Variants in DOCK9 observed in about 807,000 individuals in gnomAD.
The protein encoded by DOCK9 is dedicator of cytokinesis 9.
DOCK9 carries 89 observed loss-of-function variants against 263.3 expected under a neutral mutation model. The observed-to-expected ratio is 0.34, with a 90% CI of 0.28 to 0.40. The LOEUF (loss-of-function observed/expected upper bound fraction) is 0.40. Ranked by LOEUF, DOCK9 falls within the 10% of genes least tolerant of loss-of-function variation. The pLI is 1.00. For missense variants in DOCK9, 2,140 were observed against 2,603.4 expected (o/e 0.82, Z 3.87); for synonymous variants, 976 against 973.1 (o/e 1.00, Z -0.06).
chr13:98,972,784 C>A lies in DOCK9; in HGVS notation c.126+5000G>T, dbSNP rs61968870. Reference sequence around the variant, plus strand: ...GCCTAAGTGTCTAGAAAGGACAGGGCGGCATTAACACTCACTGTGCCTGAT... The same window carrying A: ...GCCTAAGTGTCTAGAAAGGACAGGGAGGCATTAACACTCACTGTGCCTGAT... On this transcript the variant is annotated intron_variant, in intron 1 of 52. Transcript: ENST00000682017. Among the ~76,000 whole-genome samples, 1,099 of 152,294 alleles carry A rather than the reference C, an allele frequency of 7.2e-3. 8 individuals are homozygous for A. Among genetic ancestry groups the A allele is most frequent in the Non-Finnish European group, 0.012 (791 of 68,038 alleles).
intron 37 of DOCK9, among the ~76,000 whole-genome samples, chr13:98,847,941 C>T (rs1027168951): frequency 7.9e-5 from 12 of 152,194 alleles, no homozygotes; most frequent in African/African-American, 2.9e-4. Context: ...CCAAAGAAGG[C>T]GTGTCCAGCC....
intron 45 of DOCK9, among the ~76,000 whole-genome samples, chr13:98,822,484 A>G (rs2092329768): frequency 6.6e-6 from 1 of 152,188 alleles, no homozygotes; most frequent in Non-Finnish European, 1.5e-5. Flanking sequence ...TCCAAACAAA[A>G]TGGTACACTC....
At chr13:98,999,225 A>T (rs1864856397) in intron 1 of DOCK9, among the ~76,000 whole-genome samples, 1 of 151,502 alleles carries the variant, frequency 6.6e-6, no homozygotes, top group Admixed American at 6.6e-5. Flanking sequence ...TCAGAGGGTG[A>T]GTGTGTGACC....
chr13:98,818,720 T>C (rs2092069807), intron 45 of DOCK9, among the ~76,000 whole-genome samples: 1 of 152,114 alleles, frequency 6.6e-6, no homozygotes, highest in African/African-American at 2.4e-5. Flanking sequence ...AGCAAGTTCA[T>C]AAGCCATCAA....
intron 27 of DOCK9, among the ~76,000 whole-genome samples, chr13:98,873,921 G>C (rs2094256609): frequency 6.6e-6 from 1 of 152,088 alleles, no homozygotes; most frequent in Admixed American, 6.5e-5. Context: ...TCTCTCAAAA[G>C]CTCCTTCTTC....
At chr13:98,965,031 T>A (rs2059057610) in intron 1 of DOCK9, among the ~76,000 whole-genome samples, 1 of 152,206 alleles carries the variant, frequency 6.6e-6, no homozygotes, top group African/African-American at 2.4e-5. Context: ...AGTGTTCATT[T>A]GAGGGGGTAC....
At chr13:98,963,201 A>G (rs2058849260) in intron 1 of DOCK9, among the ~76,000 whole-genome samples, 1 of 152,166 alleles carries the variant, frequency 6.6e-6, no homozygotes. Flanking sequence ...CAGGACCCCA[A>G]AAGGCCCCAC....
In DOCK9 at chr13:98,867,916, C is replaced by T. The variant is rs1392852258; in HGVS notation, c.3174+12G>A. On this transcript the variant is annotated intron_variant, in intron 29 of 52. Transcript: ENST00000682017. ...TGGTGACTTCTGTTACCAGTAACAA[C>T]CCCCGCACTACCTTTGGGTCTCCAG... The T allele has an allele frequency of 6.2e-7, 1 of 1,611,712 alleles. No individual in the cohort carries two copies. The highest frequency in any genetic ancestry group is 8.5e-7 in the Non-Finnish European group (1 of 1,178,704).
chr13:98,803,321 T>C (rs2090330991), intron 49 of DOCK9, among the ~76,000 whole-genome samples: 1 of 152,216 alleles, frequency 6.6e-6, no homozygotes, highest in African/African-American at 2.4e-5. Context: ...CCTATGGTAA[T>C]GAATGTTTAT....
At chr13:98,846,873 T>A (rs1296049276) in intron 37 of DOCK9, 2 of 329,790 alleles carry the variant, frequency 6.1e-6, no homozygotes, top group Non-Finnish European at 1.2e-5. Context: ...CAGGATCTTT[T>A]TCACATGCAG....
intron 27 of DOCK9, among the ~76,000 whole-genome samples, chr13:98,878,783 G>A (rs2044271790): frequency 6.6e-6 from 1 of 152,204 alleles, no homozygotes; most frequent in Non-Finnish European, 1.5e-5. Flanking sequence ...CTGCTTTACG[G>A]GAGGAAAAGG....
chr13:99,065,701 C>T (rs1363578647), intron 1 of DOCK9, among the ~76,000 whole-genome samples: 1 of 152,204 alleles, frequency 6.6e-6, no homozygotes, highest in Non-Finnish European at 1.5e-5. Flanking sequence ...AATCTCTCTC[C>T]TGAGACCTCT....
At chr13:98,838,360 T>C (rs1005978481) in intron 38 of DOCK9, among the ~76,000 whole-genome samples, 2 of 152,222 alleles carry the variant, frequency 1.3e-5, no homozygotes, top group Non-Finnish European at 2.9e-5. Flanking sequence ...TGGCACACAT[T>C]GAGCGCTATG....
chr13:98,960,688 C>T (rs1242601011), intron 1 of DOCK9, among the ~76,000 whole-genome samples: 1 of 152,202 alleles, frequency 6.6e-6, no homozygotes, highest in Non-Finnish European at 1.5e-5. Context: ...GATTCAGCGT[C>T]GCCTGGGAAC....
intron 1 of DOCK9, among the ~76,000 whole-genome samples, chr13:98,986,757 G>C (rs994435462): frequency 6.6e-6 from 1 of 152,164 alleles, no homozygotes; most frequent in East Asian, 1.9e-4. Context: ...TAGTTTTAGG[G>C]GCTCACACGT....
At chr13:98,841,714 TG>T (rs2093223942) in intron 38 of DOCK9, among the ~76,000 whole-genome samples, 1 of 150,568 alleles carries the variant, frequency 6.6e-6, no homozygotes, top group Non-Finnish European at 1.5e-5. Context: ...CTCCACCTCC[TG>T]GGTTCAAGCA....
At chr13:99,008,212 C>CTCTATATA (rs1433985064) in intron 1 of DOCK9, among the ~76,000 whole-genome samples, 8 of 79,172 alleles carry the variant, frequency 1.0e-4, no homozygotes, top group East Asian at 4.6e-4. Flanking sequence ...CTCTCTCTCT[C>CTCTATATA]TATATATATA....
chr13:98,841,677 A>C (rs1488634576), intron 38 of DOCK9, among the ~76,000 whole-genome samples: 2 of 147,500 alleles, frequency 1.4e-5, no homozygotes, highest in Non-Finnish European at 3.0e-5. Context: ...GCTGGAGTGC[A>C]GCGGCATGAT....
At chr13:98,809,063 G>A (rs1013724611) in intron 47 of DOCK9, 5 of 1,517,788 alleles carry the variant, frequency 3.3e-6, no homozygotes, top group Non-Finnish European at 4.4e-6. Flanking sequence ...AAGCAAACTT[G>A]CAAACCACAC....
Sources: gnomAD v4.1 joint callset for allele counts (sites outside exome capture counted in the v4.1 genomes callset) on GRCh38, gnomAD v4.1.1 for gene constraint, MANE v1.5 for transcripts, NCBI Gene and HGNC (gene_info 2026-07-23, HGNC 2026-07-21) for gene names.